FA2H: variants seen among roughly 807,000 people sequenced by gnomAD.
FA2H encodes fatty acid alpha-hydroxylase.
FA2H carries 22 observed loss-of-function variants against 44.9 expected under a neutral mutation model. The observed-to-expected ratio is 0.49, with a 90% confidence interval of 0.35 to 0.70. The LOEUF (loss-of-function observed/expected upper bound fraction) is 0.70. Among genes scored for constraint, FA2H ranks in the 30% least tolerant of loss-of-function variants. The pLI is 0.01. For synonymous variants in FA2H, 243 were observed against 213.2 expected, an observed-to-expected ratio of 1.14 and a Z score of -1.22; for missense variants, 501 against 504.9, an observed-to-expected ratio of 0.99 and a Z score of 0.07.
intron 1 of FA2H, among the ~76,000 whole-genome samples, chr16:74,741,808 A>ATATATATATATGTGTGTG (rs1491185782): frequency 7.2e-4 from 35 of 48,376 alleles, no homozygotes; most frequent in African/African-American, 2.4e-3. Flanking sequence ...ATATATATAT[A>ATATATATATATGTGTGTG]TGTGTGTGTG....
At chr16:74,760,252 G>C (rs537094218) in intron 1 of FA2H, among the ~76,000 whole-genome samples, 3 of 152,162 alleles carry the variant, frequency 2.0e-5, no homozygotes, top group African/African-American at 7.2e-5. Flanking sequence ...GCCCCCGAGG[G>C]AGCATGCTGG....
rs1007275149 is a variant in FA2H, at chr16:74,713,854, G to A, written c.*336C>T. The A allele has an allele frequency of 1.5e-5, 5 of 323,110 alleles. No individual in the cohort carries two copies. The highest frequency in any genetic ancestry group is 3.0e-5 in the Non-Finnish European group (5 of 168,296). The allele number at this position is 323,110 out of a possible 1,614,324, so 20.0% of individuals were successfully genotyped here. A position where few individuals can be genotyped will look rare whatever the true frequency, so the allele number is the denominator to read the frequency against. On this transcript the variant is annotated 3_prime_UTR_variant, in exon 7 of 7. Transcript: ENST00000219368. Reference sequence around the variant, plus strand: ...CTAAGGCACAAGGGTGACACAGGTGGCCACGAGGGCTCAGTTTTCTTCATT... The same window carrying A: ...CTAAGGCACAAGGGTGACACAGGTGACCACGAGGGCTCAGTTTTCTTCATT...
intron 2 of FA2H, among the ~76,000 whole-genome samples, chr16:74,737,111 C>T (rs988694942): frequency 6.6e-6 from 1 of 152,176 alleles, no homozygotes; most frequent in Non-Finnish European, 1.5e-5. Context: ...CCTCAAATCA[C>T]ACCTGTTCTT....
intron 1 of FA2H, among the ~76,000 whole-genome samples, chr16:74,740,396 C>T (rs997134254): frequency 1.3e-5 from 2 of 152,012 alleles, no homozygotes; most frequent in South Asian, 2.1e-4. Context: ...ATGGGTGGAT[C>T]GCCCGAGGTC....
At chr16:74,757,864 CA>C (rs1378422048) in intron 1 of FA2H, among the ~76,000 whole-genome samples, 2 of 151,990 alleles carry the variant, frequency 1.3e-5, no homozygotes, top group Non-Finnish European at 2.9e-5. Flanking sequence ...AAAAAAAATA[CA>C]AAGACTAGCT....
At chr16:74,732,265 TAC>T (rs1353831729) in intron 2 of FA2H, among the ~76,000 whole-genome samples, 1 of 152,182 alleles carries the variant, frequency 6.6e-6, no homozygotes, top group African/African-American at 2.4e-5. Flanking sequence ...TTGTGCACTT[TAC>T]ACAGACTGAG....
Position 74,734,773 on chromosome 16 carries a change from C to T in FA2H, c.363+5250G>A, listed in dbSNP as rs553205850. On this transcript the variant is annotated intron_variant, in intron 2 of 6. Transcript: ENST00000219368. ...GGAAGGGTGTGCCCAGAATCTGCTT[C>T]TCCCTAAGGTGGCAAATGTGGTGAG... 3.3e-3 allele frequency among the ~76,000 whole-genome samples: 508 copies of T among 152,338 alleles called. 1 individual carries two copies. Among genetic ancestry groups the T allele is most frequent in the Non-Finnish European group, 5.6e-3 (378 of 68,018 alleles).
At chr16:74,737,451 C>G (rs1329367209) in intron 2 of FA2H, among the ~76,000 whole-genome samples, 3 of 152,208 alleles carry the variant, frequency 2.0e-5, no homozygotes. Context: ...AAGACCATCC[C>G]TCACCTCTGA....
At chr16:74,726,091 C>G in intron 4 of FA2H, 134 bp downstream of exon 4, 1 of 695,504 alleles carries the variant, frequency 1.4e-6, no homozygotes, top group Admixed American at 2.1e-5. Context: ...ACTATTTCTA[C>G]AGAGAGGCTT....
chr16:74,737,469 G>A (rs9937139), intron 2 of FA2H, among the ~76,000 whole-genome samples: 51,962 of 151,960 alleles, frequency 0.34, 9,439 homozygotes, highest in Middle Eastern at 0.43. Flanking sequence ...TGAGCAGAGC[G>A]GGGCACCAGG....
chr16:74,771,618 G>A (rs558903703), intron 1 of FA2H, among the ~76,000 whole-genome samples: 1 of 152,174 alleles, frequency 6.6e-6, no homozygotes, highest in Non-Finnish European at 1.5e-5. Context: ...TTACAGGTAT[G>A]AGCCACCGTG....
At position 74,731,738 on chromosome 16, in the gene FA2H, AT is replaced by A. The variant is rs538711609; in HGVS notation, c.364-4353del. ...TTCCTTTGTCTTGTTTGTATGAAATATTTAACAATATTCCATACTATCTCCT... is the reference window on the plus strand; with the variant it reads ...TTCCTTTGTCTTGTTTGTATGAAATATTAACAATATTCCATACTATCTCCT... On this transcript the variant is annotated intron_variant, in intron 2 of 6. Transcript: ENST00000219368. Among the ~76,000 whole-genome samples, 108 of 152,284 alleles carry A rather than the reference AT, an allele frequency of 7.1e-4. No homozygotes were observed. The East Asian group carries it at 0.02, about 28-fold the overall frequency.
rs1010615037 is a variant in FA2H, at chr16:74,716,584, A to G, written c.802T>C (p.Ser268Pro). The change falls in exon 6 of 7, where the codon TCC (serine) becomes CCC (proline). Residue 268 changes from serine to proline, a missense_variant. Physicochemically the swap from Ser to Pro is moderately conservative, Grantham distance 74 (BLOSUM62 -1). Transcript: ENST00000219368. The stretch of plus-strand genomic sequence containing the variant: ...GGCACAGGGGGGAAGACCAGGCGGG[A>G]GCCGTCGAAGGGTGCCTGCAGATGG... Reference protein sequence around the residue: ...GQHHKAPFDGSRLVFPPVPAS... With the variant: ...GQHHKAPFDGPRLVFPPVPAS... 3.8e-6 allele frequency: 6 copies of G among 1,570,324 alleles called. No homozygotes were observed. The highest frequency in any genetic ancestry group is 5.2e-6 in the Non-Finnish European group (6 of 1,158,784).
At chr16:74,746,767 T>G (rs1224335062) in intron 1 of FA2H, among the ~76,000 whole-genome samples, 1 of 152,080 alleles carries the variant, frequency 6.6e-6, no homozygotes, top group Non-Finnish European at 1.5e-5. Context: ...TCTCTGTCAA[T>G]TCCCAGAACA....
At chr16:74,723,847 C>T (rs1218232355) in intron 4 of FA2H, among the ~76,000 whole-genome samples, 3 of 152,024 alleles carry the variant, frequency 2.0e-5, no homozygotes, top group Non-Finnish European at 2.9e-5. Context: ...ATGGAGGTAA[C>T]AGAGTATCTG....
rs543801262 is a variant in FA2H at position 74,728,244 on chromosome 16, C to T, written c.364-858G>A. Among the ~76,000 whole-genome samples the T allele has an allele frequency of 3.0e-4, 45 of 152,222 alleles. 1 individual carries two copies. In the South Asian group the frequency reaches 8.7e-3, roughly 30 times the overall value. On this transcript the variant is annotated intron_variant, in intron 2 of 6. Coordinates refer to ENST00000219368, the MANE Select transcript of FA2H (RefSeq NM_024306.5). ...TTTGAGACCAGCCTGGGCAATAGTT[C>T]GAGACTCCGTCTCTTCAAAAATAAA...
intron 1 of FA2H, among the ~76,000 whole-genome samples, chr16:74,755,681 G>A (rs1244605908): frequency 6.6e-6 from 1 of 152,130 alleles, no homozygotes; most frequent in Non-Finnish European, 1.5e-5. Context: ...ATCTCACCAG[G>A]AGCACCTGCA....
chr16:74,763,438 A>G (rs1962749261), intron 1 of FA2H, among the ~76,000 whole-genome samples: 1 of 152,080 alleles, frequency 6.6e-6, no homozygotes, highest in Admixed American at 6.5e-5. Context: ...TTGTATTTTT[A>G]GTAGAGACGA....
intron 1 of FA2H, among the ~76,000 whole-genome samples, chr16:74,770,951 C>A (rs2144668561): frequency 6.6e-6 from 1 of 152,284 alleles, no homozygotes; most frequent in Admixed American, 6.5e-5. Context: ...CCTCTCTAAG[C>A]ATCAGACAAG....
Sources: gnomAD v4.1 joint callset for allele counts (sites outside exome capture counted in the v4.1 genomes callset) on GRCh38, gnomAD v4.1.1 for gene constraint, MANE v1.5 for transcripts, NCBI Gene and HGNC (gene_info 2026-07-23, HGNC 2026-07-21) for gene names.